Variants in SLCO3A1 observed in about 807,000 individuals in gnomAD.
SLCO3A1 encodes the protein PGE1 transporter.
A neutral mutation model predicts 63.1 loss-of-function variants in SLCO3A1; 27 were observed. The observed-to-expected ratio is 0.43, with a 90% confidence interval of 0.32 to 0.59. The LOEUF (loss-of-function observed/expected upper bound fraction) is 0.59, where lower values mean the gene tolerates loss of function less well. Ranked by LOEUF, SLCO3A1 falls within the 20% of genes least tolerant of loss-of-function variation. The pLI is 0.09. For missense variants in SLCO3A1, 773 were observed against 945.8 expected (o/e 0.82, Z 2.40); for synonymous variants, 473 against 409.9 (o/e 1.15, Z -1.86).
chr15:92,016,495 T>C (rs2046439537), intron 2 of SLCO3A1, among the ~76,000 whole-genome samples: 1 of 152,118 alleles, frequency 6.6e-6, no homozygotes, highest in South Asian at 2.1e-4. Context: ...GTCGTCCTGA[T>C]CCCTTGGGAT....
chr15:91,854,289 ACCGTTGATGCCGGT>A lies in SLCO3A1; in HGVS notation c.180+202_180+215del. 1.7e-6 allele frequency: 2 copies of A among 1,147,564 alleles called. No individual in the cohort carries two copies. The highest frequency in any genetic ancestry group is 2.1e-6 in the Non-Finnish European group (2 of 932,484). The allele number at this position is 1,147,564 out of a possible 1,614,324, so 71.1% of individuals were successfully genotyped here. Reference sequence around the variant, plus strand: ...TGCCAGCGAGCGGGTAGCGGGCGGGACCGTTGATGCCGGTAGCAGCTCGCGCGCGTCCGGCTGGG... The same window carrying A: ...TGCCAGCGAGCGGGTAGCGGGCGGGAAGCAGCTCGCGCGCGTCCGGCTGGG... On this transcript the variant is annotated intron_variant, in intron 1 of 9. Transcript: ENST00000318445. The surrounding 1 kb of genome is among the most constrained non-coding windows in gnomAD (Gnocchi z 6.4).
At chr15:92,032,990 G>T (rs2046674087) in intron 2 of SLCO3A1, among the ~76,000 whole-genome samples, 1 of 152,162 alleles carries the variant, frequency 6.6e-6, no homozygotes, top group Non-Finnish European at 1.5e-5. Flanking sequence ...AGGCATCAGG[G>T]GAAGTCCATG....
At chr15:92,080,733 G>A (rs946105270) in intron 2 of SLCO3A1, among the ~76,000 whole-genome samples, 1 of 152,208 alleles carries the variant, frequency 6.6e-6, no homozygotes, top group Admixed American at 6.5e-5. Context: ...ATACAGTGCT[G>A]CTTTGGCTGG....
At chr15:92,146,655 GT>G (rs1257437135) in intron 7 of SLCO3A1, among the ~76,000 whole-genome samples, 3 of 152,208 alleles carry the variant, frequency 2.0e-5, no homozygotes, top group Non-Finnish European at 4.4e-5. Context: ...ATTTGGCAAC[GT>G]TTTATCATAT....
intron 9 of SLCO3A1, 164 bp from the exon 10 acceptor site, chr15:92,162,592 G>T (rs972949401): frequency 8.6e-7 from 1 of 1,161,660 alleles, no homozygotes. Context: ...TAAAAAGGCA[G>T]AACTGGGACA....
intron 9 of SLCO3A1, among the ~76,000 whole-genome samples, chr15:92,154,192 A>G (rs1209086850): frequency 1.3e-5 from 2 of 152,152 alleles, no homozygotes; most frequent in Non-Finnish European, 2.9e-5. Context: ...TAAAAGGAGG[A>G]ATCTGCATTA....
chr15:91,987,314 TTCAACACGTATTTAC>T (rs1163316881), intron 2 of SLCO3A1, among the ~76,000 whole-genome samples: 4 of 152,218 alleles, frequency 2.6e-5, no homozygotes, highest in Non-Finnish European at 4.4e-5. Flanking sequence ...AACTTGTTTA[TTCAACACGTATTTAC>T]TGAACACCTA....
rs553648774 is a variant in SLCO3A1, at chr15:92,067,343, G to A, written c.647-27538G>A. 2.4e-4 allele frequency among the ~76,000 whole-genome samples: 36 copies of A among 152,306 alleles called. No individual in the cohort carries two copies. In the Middle Eastern group the frequency reaches 0.014, roughly 58 times the overall value. On this transcript the variant is annotated intron_variant, in intron 2 of 9. Transcript: ENST00000318445. ...GCTTCCCGTGTGGTTTCTTCAGCCT[G>A]GGCTGCCTTGCCCTCACCTCAGCCC...
chr15:92,160,875 T>C (rs774637250), intron 9 of SLCO3A1, among the ~76,000 whole-genome samples: 65 of 152,344 alleles, frequency 4.3e-4, no homozygotes, highest in Non-Finnish European at 8.1e-4. Context: ...GAGGTGCTGC[T>C]GTGCTTATAA....
chr15:92,128,571 C>G lies in SLCO3A1; in HGVS notation c.1512+82C>G. Reference sequence around the variant, plus strand: ...AACCCAAGTTTTTGCCCAGGTTGTTCGCCTTCCCTGTGACTTTTTCTTAGC... The same window carrying G: ...AACCCAAGTTTTTGCCCAGGTTGTTGGCCTTCCCTGTGACTTTTTCTTAGC... On this transcript the variant is annotated intron_variant, in intron 7 of 9. Coordinates refer to ENST00000318445, the MANE Select transcript of SLCO3A1 (RefSeq NM_013272.4). The G allele has an allele frequency of 4.6e-6, 6 of 1,305,806 alleles. No individual in the cohort carries two copies. The South Asian group carries it at 8.8e-5, about 19-fold the overall frequency. The allele number at this position is 1,305,806 out of a possible 1,614,324, so 80.9% of individuals were successfully genotyped here.
At chr15:92,119,412 C>T (rs1248643634) in intron 4 of SLCO3A1, among the ~76,000 whole-genome samples, 4 of 152,184 alleles carry the variant, frequency 2.6e-5, no homozygotes, top group Non-Finnish European at 5.9e-5. Context: ...GTGCATGAAC[C>T]TCAGAGCACT....
chr15:92,159,414 G>A (rs1469703717), intron 9 of SLCO3A1, among the ~76,000 whole-genome samples: 1 of 152,032 alleles, frequency 6.6e-6, no homozygotes, highest in Non-Finnish European at 1.5e-5. Flanking sequence ...GAGCCCAGGA[G>A]GCGGAGGTTG....
intron 2 of SLCO3A1, among the ~76,000 whole-genome samples, chr15:92,012,274 A>G (rs1381096521): frequency 6.6e-6 from 1 of 152,200 alleles, no homozygotes; most frequent in Non-Finnish European, 1.5e-5. Flanking sequence ...GTGAGCAAAC[A>G]GCTCGCCATT....
chr15:91,999,971 G>A (rs2046234193), intron 2 of SLCO3A1, among the ~76,000 whole-genome samples: 1 of 152,170 alleles, frequency 6.6e-6, no homozygotes, highest in Non-Finnish European at 1.5e-5. Flanking sequence ...TGTCCATCAG[G>A]AAGAGAGTAG....
intron 2 of SLCO3A1, among the ~76,000 whole-genome samples, chr15:91,999,715 C>T (rs1223238723): frequency 6.6e-6 from 1 of 152,170 alleles, no homozygotes; most frequent in African/African-American, 2.4e-5. Flanking sequence ...TTGCTTGAGC[C>T]CAGAGTTGAA....
At chr15:92,001,570 T>C (rs2046254911) in intron 2 of SLCO3A1, among the ~76,000 whole-genome samples, 1 of 152,200 alleles carries the variant, frequency 6.6e-6, no homozygotes, top group Non-Finnish European at 1.5e-5. Flanking sequence ...GACACTTAAA[T>C]GCTGGTTCAG....
chr15:92,162,451 A>T, intron 9 of SLCO3A1: 1 of 295,976 alleles, frequency 3.4e-6, no homozygotes, highest in Non-Finnish European at 6.2e-6. Flanking sequence ...TGCCAGACTG[A>T]TGCTTTCTAT....
intron 9 of SLCO3A1, among the ~76,000 whole-genome samples, chr15:92,154,723 ACTGGT>A (rs2048350235): frequency 1.3e-5 from 2 of 151,966 alleles, no homozygotes; most frequent in African/African-American, 4.8e-5. Flanking sequence ...GCAGAGGTGT[ACTGGT>A]CAGTGGGGCT....
rs568730142 is a variant in SLCO3A1 at position 92,078,203 on chromosome 15, G to A, written c.647-16678G>A. Among the ~76,000 whole-genome samples the A allele has an allele frequency of 7.5e-4, 114 of 152,326 alleles. 1 individual carries two copies. The highest frequency in any genetic ancestry group is 2.4e-3 in the African/African-American group (101 of 41,562). On this transcript the variant is annotated intron_variant, in intron 2 of 9. Coordinates refer to ENST00000318445, the MANE Select transcript of SLCO3A1 (RefSeq NM_013272.4). ...CCCCATTGAGTGAACACCTGAGCATGCTAGTGAATGAGAGTGAGAAATAAC... is the reference window on the plus strand; with the variant it reads ...CCCCATTGAGTGAACACCTGAGCATACTAGTGAATGAGAGTGAGAAATAAC...
Sources: gnomAD v4.1 joint callset for allele counts (sites outside exome capture counted in the v4.1 genomes callset) on GRCh38, gnomAD v4.1.1 for gene constraint, Gnocchi (gnomAD v3.1) non-coding constraint, MANE v1.5 for transcripts, NCBI Gene and HGNC (gene_info 2026-07-23, HGNC 2026-07-21) for gene names.